The following GALNTL6 variants were observed in gnomAD, a reference collection of about 807,000 sequenced individuals.
GALNTL6 encodes polypeptide N-acetylgalactosaminyltransferase like 6.
Under a neutral mutation model 73.7 loss-of-function variants are expected in GALNTL6, and 46 were observed. That is an observed-to-expected ratio of 0.62 (90% CI 0.49 to 0.80). GALNTL6 has a LOEUF of 0.80. GALNTL6 is among the 30% of genes least tolerant of loss of function. The pLI, the probability that GALNTL6 is intolerant of heterozygous loss-of-function variation, is 0.00. For synonymous variants in GALNTL6, 259 were observed against 263.7 expected (o/e 0.98, Z 0.17); for missense variants, 604 against 755.0 (o/e 0.80, Z 2.34).
At chr4:173,032,818 GA>G (rs1300361892) in intron 12 of GALNTL6, among the ~76,000 whole-genome samples, 1 of 149,190 alleles carries the variant, frequency 6.7e-6, no homozygotes, top group Non-Finnish European at 1.5e-5. Flanking sequence ...CATCAGGATT[GA>G]TTTTTTTTTT....
At chr4:172,830,912 C>T (rs187877164) in intron 7 of GALNTL6, among the ~76,000 whole-genome samples, 208 of 152,282 alleles carry the variant, frequency 1.4e-3, no homozygotes, top group Non-Finnish European at 2.5e-3. Flanking sequence ...GTAATCCCAA[C>T]ACTTTGAGAG....
chr4:172,796,655 T>A (rs369154807), intron 5 of GALNTL6, among the ~76,000 whole-genome samples: 1 of 152,220 alleles, frequency 6.6e-6, no homozygotes, highest in African/African-American at 2.4e-5. Flanking sequence ...CATGATTTAA[T>A]AGCATTGTCA....
intron 7 of GALNTL6, among the ~76,000 whole-genome samples, chr4:172,872,914 G>C (rs907916052): frequency 1.3e-5 from 2 of 152,138 alleles, no homozygotes; most frequent in African/African-American, 4.8e-5. Flanking sequence ...ACTAGCAAAA[G>C]TGCCTCATCT....
chr4:171,883,330 C>G (rs1379829954), intron 2 of GALNTL6, among the ~76,000 whole-genome samples: 4 of 152,000 alleles, frequency 2.6e-5, no homozygotes, highest in Admixed American at 2.6e-4. Flanking sequence ...CCAGCCTGAG[C>G]GACAGAGCAA....
At chr4:172,978,792 G>A (rs770461941) in intron 10 of GALNTL6, among the ~76,000 whole-genome samples, 1 of 152,126 alleles carries the variant, frequency 6.6e-6, no homozygotes, top group Non-Finnish European at 1.5e-5. Context: ...CAAACACAAC[G>A]ATAAACAGAA....
At chr4:172,348,425 G>A in intron 4 of GALNTL6, 98 bp from the exon 5 acceptor site, 1 of 954,316 alleles carries the variant, frequency 1.0e-6, no homozygotes, top group Non-Finnish European at 1.6e-6. Flanking sequence ...ACTAAGTCGT[G>A]TTTCCACAGT....
At chr4:172,726,799 G>A (rs984631614) in intron 5 of GALNTL6, among the ~76,000 whole-genome samples, 1 of 152,150 alleles carries the variant, frequency 6.6e-6, no homozygotes, top group South Asian at 2.1e-4. Flanking sequence ...AAGGAACTCA[G>A]AAGTTGTCAG....
At chr4:172,786,504 GATTTTTAGTTTTTGTTTTAC>G (rs1415900796) in intron 5 of GALNTL6, among the ~76,000 whole-genome samples, 2 of 152,136 alleles carry the variant, frequency 1.3e-5, no homozygotes, top group Non-Finnish European at 2.9e-5. Context: ...TGTTTGGCAA[GATTTTTAGTTTTTGTTTTAC>G]ATTTTGTTTT....
chr4:172,444,516 G>A (rs1196653620), intron 5 of GALNTL6, among the ~76,000 whole-genome samples: 1 of 152,160 alleles, frequency 6.6e-6, no homozygotes, highest in Non-Finnish European at 1.5e-5. Context: ...GTAGTTTGAA[G>A]CTATAAAACA....
intron 2 of GALNTL6, among the ~76,000 whole-genome samples, chr4:171,896,675 A>G (rs1038760808): frequency 1.3e-5 from 2 of 152,176 alleles, no homozygotes; most frequent in Admixed American, 1.3e-4. Context: ...CCCATTCATT[A>G]TGACTCTGCC....
intron 5 of GALNTL6, among the ~76,000 whole-genome samples, chr4:172,571,953 C>G (rs2110951106): frequency 6.6e-6 from 1 of 152,260 alleles, no homozygotes; most frequent in East Asian, 1.9e-4. Flanking sequence ...TCCTGATCCT[C>G]CTTGAATGTG....
chr4:172,375,255 C>T (rs1176499679), intron 5 of GALNTL6, among the ~76,000 whole-genome samples: 1 of 152,156 alleles, frequency 6.6e-6, no homozygotes, highest in Non-Finnish European at 1.5e-5. Context: ...TGCCTTCCCT[C>T]TTACAGAAAA....
At chr4:171,997,437 A>T (rs1378685230) in intron 2 of GALNTL6, among the ~76,000 whole-genome samples, 2 of 152,092 alleles carry the variant, frequency 1.3e-5, no homozygotes, top group Non-Finnish European at 2.9e-5. Context: ...TAGAAAATGA[A>T]TTTAATATAC....
chr4:172,470,639 C>T (rs934209779), intron 5 of GALNTL6, among the ~76,000 whole-genome samples: 3 of 152,134 alleles, frequency 2.0e-5, no homozygotes, highest in East Asian at 1.9e-4. Flanking sequence ...TTTTGACAAC[C>T]GTGCTTTAAT....
At chr4:172,989,027 A>T (rs868476629) in intron 10 of GALNTL6, among the ~76,000 whole-genome samples, 2 of 152,228 alleles carry the variant, frequency 1.3e-5, no homozygotes, top group African/African-American at 4.8e-5. Flanking sequence ...GGGCCCTCAT[A>T]CAGGGTCCTC....
chr4:172,950,162 C>T (rs921332794), intron 9 of GALNTL6, among the ~76,000 whole-genome samples: 20 of 152,218 alleles, frequency 1.3e-4, no homozygotes, highest in Admixed American at 5.2e-4. Context: ...CAGGCAATTC[C>T]GAATTGGTGG....
At chr4:172,638,246 G>A (rs1739786740) in intron 5 of GALNTL6, among the ~76,000 whole-genome samples, 2 of 152,102 alleles carry the variant, frequency 1.3e-5, no homozygotes, top group Admixed American at 6.6e-5. Context: ...TGTCCAACAA[G>A]GAGACAAGTA....
intron 2 of GALNTL6, among the ~76,000 whole-genome samples, chr4:171,834,843 G>A (rs554997490): frequency 9.9e-5 from 15 of 151,966 alleles, no homozygotes; most frequent in Non-Finnish European, 1.8e-4. Flanking sequence ...TGATGAACCA[G>A]GGGGAGGAGT....
intron 2 of GALNTL6, among the ~76,000 whole-genome samples, chr4:171,898,408 A>T (rs1736988883): frequency 6.6e-6 from 1 of 152,180 alleles, no homozygotes; most frequent in African/African-American, 2.4e-5. Context: ...GTATGTGAAT[A>T]TCCTTAAAAC....
Sources: gnomAD v4.1 joint callset for allele counts (sites outside exome capture counted in the v4.1 genomes callset) on GRCh38, gnomAD v4.1.1 for gene constraint, MANE v1.5 for transcripts, NCBI Gene and HGNC (gene_info 2026-07-23, HGNC 2026-07-21) for gene names.